PSMD3: variants seen among roughly 807,000 people sequenced by gnomAD.
The protein encoded by PSMD3 is proteasome 26S subunit, non-ATPase 3.
PSMD3 carries 5 observed loss-of-function variants against 62.8 expected under a neutral mutation model. The ratio of observed to expected loss-of-function variants is 0.08; its 90% confidence interval spans 0.04 to 0.17. PSMD3 has a LOEUF of 0.17. Ranked by LOEUF, PSMD3 falls within the 10% of genes least tolerant of loss-of-function variation. The pLI is 1.00. For missense variants in PSMD3, 524 were observed against 713.6 expected (o/e 0.73, Z 3.03); for synonymous variants, 265 against 283.9 (o/e 0.93, Z 0.67).
intron 6 of PSMD3, chr17:39,992,880 A>T: frequency 6.6e-6 from 1 of 152,210 alleles, no homozygotes; most frequent in Non-Finnish European, 1.5e-5. Context: ...TCAGCAGAGC[A>T]CTCTGAGAGC....
chr17:39,996,366 G>T lies in PSMD3; in HGVS notation c.1476+28G>T. 1.2e-6 allele frequency: 2 copies of T among 1,607,376 alleles called. No individual in the cohort carries two copies. The highest frequency in any genetic ancestry group is 1.1e-5 in the South Asian group (1 of 90,600). ...GAGAAGCCCGTGGCTGCAGAGTCAC[G>T]CCTGGCAGCAGCACACCCCTCCCTC... On this transcript the variant is annotated intron_variant, in intron 10 of 11. Transcript: ENST00000264639. The surrounding 1 kb of genome is among the most constrained non-coding windows in gnomAD (Gnocchi z 5.1).
rs757833581 is a variant in PSMD3 at position 39,984,307 on chromosome 17, C to A, written c.234C>A (p.His78Gln). 6.2e-7 allele frequency: 1 copy of A among 1,612,344 alleles called. No individual in the cohort carries two copies. The highest frequency in any genetic ancestry group is 8.5e-7 in the Non-Finnish European group (1 of 1,179,346). Residue 78 changes from histidine (H) to glutamine (Q), a missense_variant, in exon 2 of 12, where the codon CAC becomes CAA. This residue lies in a region of PSMD3 where 396 missense variants were observed against 475.8 expected (regional missense o/e 0.83). Coordinates refer to ENST00000264639, the MANE Select transcript of PSMD3 (RefSeq NM_002809.4). The part of the protein sequence containing the change: ...DTVTLEDIKE[H>Q]VKQLEKAVSG... ...GCTCTTCTTCAGACATCAAGGAGCA[C>A]GTGAAACAGCTAGAGAAAGCGGTTT...
intron 4 of PSMD3, 135 bp downstream of exon 4, chr17:39,988,954 C>A: frequency 8.4e-7 from 1 of 1,196,768 alleles, no homozygotes; most frequent in Non-Finnish European, 1.2e-6. Context: ...GGTTCCCATG[C>A]CCTGCGCCAC....
At chr17:39,989,152 A>G (rs539912365) in intron 4 of PSMD3, among the ~76,000 whole-genome samples, 1 of 152,286 alleles carries the variant, frequency 6.6e-6, no homozygotes, top group African/African-American at 2.4e-5. Context: ...TTCCCGTCTC[A>G]AGGAAAGACA....
Position 39,997,797 on chromosome 17 carries a change from A to G in PSMD3, c.*216A>G. 1 of 602,438 alleles carries G rather than the reference A, an allele frequency of 1.7e-6. No individual in the cohort carries two copies. 37.3% of individuals were successfully genotyped at this position (602,438 alleles called of 1,614,324 possible). On this transcript the variant is annotated 3_prime_UTR_variant, in exon 12 of 12. Coordinates refer to ENST00000264639, the MANE Select transcript of PSMD3 (RefSeq NM_002809.4). The stretch of plus-strand genomic sequence containing the variant: ...CAGCAGGCAGGAGGGTGGGCAGGCA[A>G]CCTCCCCGGGCAGGGTCCTGGCCAG...
chr17:39,986,907 A>G (rs1305042668), intron 3 of PSMD3, among the ~76,000 whole-genome samples, 195 bp downstream of exon 3: 1 of 152,182 alleles, frequency 6.6e-6, no homozygotes, highest in East Asian at 1.9e-4. Context: ...ACTGTGGGAC[A>G]GGGCTTGCAG....
Position 39,995,294 on chromosome 17 carries a change from A to T in PSMD3, c.1215A>T (p.Thr405=). The part of the protein sequence containing the change: ...IIRLRHNVIK[T]GVRMISLSYS... Reference sequence around the variant, plus strand: ...GGCTGCGGCACAACGTGATTAAGACAGGTGTGGATCAGGATCTGAGGGGCT... The same window carrying T: ...GGCTGCGGCACAACGTGATTAAGACTGGTGTGGATCAGGATCTGAGGGGCT... The change falls in exon 8 of 12, where the codon ACA becomes ACT. Residue 405 remains threonine (T), a splice_region_variant and synonymous_variant. Transcript: ENST00000264639. The surrounding 1 kb of genome is among the most constrained non-coding windows in gnomAD (Gnocchi z 4.1). 6.2e-7 allele frequency: 1 copy of T among 1,614,196 alleles called. No individual in the cohort carries two copies. Among genetic ancestry groups the T allele is most frequent in the Non-Finnish European group, 8.5e-7 (1 of 1,180,040 alleles).
At chr17:39,991,292 T>A (rs993921211) in intron 6 of PSMD3, among the ~76,000 whole-genome samples, 10 of 151,844 alleles carry the variant, frequency 6.6e-5, no homozygotes, top group African/African-American at 2.2e-4. Flanking sequence ...GTAACTGGGA[T>A]TACAGGCGCC....
In PSMD3 at chr17:39,997,694, C is replaced by A; in HGVS notation, c.*113C>A. 2.4e-6 allele frequency: 3 copies of A among 1,261,446 alleles called. No individual in the cohort carries two copies. Among genetic ancestry groups the A allele is most frequent in the Non-Finnish European group, 3.4e-6 (3 of 893,576 alleles). 78.1% of individuals were successfully genotyped at this position (1,261,446 alleles called of 1,614,324 possible). A position where few individuals can be genotyped will look rare whatever the true frequency, so the allele number is the denominator to read the frequency against. On this transcript the variant is annotated 3_prime_UTR_variant, in exon 12 of 12. Transcript: ENST00000264639. ...CCACACACAGCTCATATGCTGCATT[C>A]GTGCAGGGGGTGGGGGTGCTGGGAG...
chr17:39,985,911 G>T (rs1009352157), intron 2 of PSMD3, among the ~76,000 whole-genome samples: 43 of 151,986 alleles, frequency 2.8e-4, no homozygotes, highest in African/African-American at 1.0e-3. Flanking sequence ...GAATTATTTC[G>T]TTCAGCCCTG....
Position 39,984,149 on chromosome 17 carries a change from G to A in PSMD3, c.221-145G>A, listed in dbSNP as rs1003414766. The A allele has an allele frequency of 1.9e-4, 131 of 676,168 alleles. 1 individual carries two copies. Among genetic ancestry groups the A allele is most frequent in the Non-Finnish European group, 2.7e-4 (117 of 437,756 alleles). The allele number at this position is 676,168 out of a possible 1,614,324, so 41.9% of individuals were successfully genotyped here. ...CAGCAGGCAGAGCTTGCAGTGAGCC[G>A]AGATCACACCACTGCACTCCGGCCT... On this transcript the variant is annotated intron_variant, in intron 1 of 11. Transcript: ENST00000264639.
chr17:39,995,243 A>C lies in PSMD3; in HGVS notation c.1164A>C (p.Ala388=). The change falls in exon 8 of 12, where the codon GCA becomes GCC. Residue 388 remains alanine (A), a synonymous_variant. Coordinates refer to ENST00000264639, the MANE Select transcript of PSMD3 (RefSeq NM_002809.4). This position sits in a 1 kb window ranked among gnomAD's most constrained non-coding sequence, Gnocchi z 4.1. ...VLDQFGEKFQ[A]DGTYTLIIRL... ...ATCAGTTTGGGGAGAAGTTTCAAGC[A>C]GATGGGACCTACACCCTAATTATCC... The C allele has an allele frequency of 6.2e-7, 1 of 1,614,114 alleles. No homozygotes were observed. Among genetic ancestry groups the C allele is most frequent in the Non-Finnish European group, 8.5e-7 (1 of 1,180,016 alleles).
intron 6 of PSMD3, among the ~76,000 whole-genome samples, chr17:39,992,452 C>G (rs1980681017): frequency 6.6e-6 from 1 of 152,154 alleles, no homozygotes; most frequent in East Asian, 1.9e-4. Flanking sequence ...GCTGTAGATT[C>G]CGATTCAGAG....
At position 39,980,995 on chromosome 17, in the gene PSMD3, C is replaced by T. The variant is rs1251720271; in HGVS notation, c.25C>T (p.Arg9Cys). The T allele has an allele frequency of 2.6e-6, 4 of 1,546,394 alleles. No homozygotes were observed. In the African/African-American group the frequency reaches 4.1e-5, roughly 16 times the overall value. The change falls in exon 1 of 12, where the codon CGC (arginine) becomes TGC (cysteine). Residue 9 changes from arginine to cysteine, a missense_variant. Around this residue, in one of 4 missense-constraint regions of PSMD3, gnomAD observed 396 missense variants for 475.8 expected, o/e 0.83. Transcript: ENST00000264639. Reference protein sequence around the residue: MKQEGSARRRGADKAKPPP... With the variant: MKQEGSARCRGADKAKPPP... ...CATGAAGCAGGAGGGCTCGGCGCGGCGCCGCGGCGCGGACAAGGCGAAACC... is the reference window on the plus strand; with the variant it reads ...CATGAAGCAGGAGGGCTCGGCGCGGTGCCGCGGCGCGGACAAGGCGAAACC...
chr17:39,989,646 A>G, intron 4 of PSMD3, 93 bp from the exon 5 acceptor site: 1 of 1,254,232 alleles, frequency 8.0e-7, no homozygotes. Context: ...AATTTGTATA[A>G]CTTTTTTAAG....
intron 4 of PSMD3, among the ~76,000 whole-genome samples, 170 bp from the exon 5 acceptor site, chr17:39,989,569 C>G (rs1350686893): frequency 6.6e-6 from 1 of 152,194 alleles, no homozygotes; most frequent in Non-Finnish European, 1.5e-5. Flanking sequence ...CTTTGTCGCA[C>G]CCAGAATAGT....
At chr17:39,986,150 C>T (rs936965082) in intron 2 of PSMD3, among the ~76,000 whole-genome samples, 1 of 152,168 alleles carries the variant, frequency 6.6e-6, no homozygotes, top group Non-Finnish European at 1.5e-5. Flanking sequence ...GGCTGAAGCA[C>T]GGTGGCACAC....
intron 6 of PSMD3, chr17:39,994,582 C>T (rs1040631404): frequency 3.6e-6 from 1 of 279,704 alleles, no homozygotes; most frequent in Non-Finnish European, 7.0e-6. Flanking sequence ...CTGGCTGACA[C>T]ACGTTCCGTT....
At chr17:39,981,430 A>G (rs1475680723) in intron 1 of PSMD3, among the ~76,000 whole-genome samples, 5 of 152,052 alleles carry the variant, frequency 3.3e-5, no homozygotes, top group Admixed American at 3.3e-4. Flanking sequence ...GGTTGCATCT[A>G]TATCTAGGTC....
Sources: gnomAD v4.1 joint callset for allele counts (sites outside exome capture counted in the v4.1 genomes callset) on GRCh38, gnomAD v4.1.1 for gene constraint, gnomAD v4.1.1 regional missense constraint, Gnocchi (gnomAD v3.1) non-coding constraint, MANE v1.5 for transcripts, NCBI Gene and HGNC (gene_info 2026-07-23, HGNC 2026-07-21) for gene names.